The following TYW1 variants were observed in gnomAD, a reference collection of about 807,000 sequenced individuals.
TYW1 encodes the protein tRNA-yW synthesizing protein 1 homolog, also known as S-adenosyl-L-methionine-dependent tRNA 4-demethylwyosine synthase TYW1.
TYW1 carries 46 observed loss-of-function variants against 96.2 expected under a neutral mutation model. That is an observed-to-expected ratio of 0.48 (90% CI 0.38 to 0.61). The LOEUF (loss-of-function observed/expected upper bound fraction) is 0.61. Ranked by LOEUF, TYW1 falls within the 20% of genes least tolerant of loss-of-function variation. The pLI, the probability that TYW1 is intolerant of heterozygous loss-of-function variation, is 0.00. For synonymous variants in TYW1, 274 were observed against 323.0 expected (o/e 0.85, Z 1.63); for missense variants, 684 against 909.6 (o/e 0.75, Z 3.19).
At chr7:67,036,468 G>A (rs1340919098) in intron 7 of TYW1, among the ~76,000 whole-genome samples, 2 of 152,198 alleles carry the variant, frequency 1.3e-5, no homozygotes, top group Non-Finnish European at 2.9e-5. Context: ...TGGGCCACTG[G>A]TAAGCCCCAG....
intron 15 of TYW1, among the ~76,000 whole-genome samples, chr7:67,234,348 TAA>T (rs57100190): frequency 4.7e-4 from 44 of 93,278 alleles, no homozygotes; most frequent in Non-Finnish European, 4.2e-4. Flanking sequence ...ACCTATCTCT[TAA>T]AAAAAAAAAA....
In TYW1 at chr7:67,067,497, G is replaced by A. The variant is rs1584520401; in HGVS notation, c.1274+94G>A. 7.2e-6 allele frequency: 10 copies of A among 1,383,240 alleles called. No homozygotes were observed. In the East Asian group the frequency reaches 2.3e-4, roughly 32 times the overall value. The allele number at this position is 1,383,240 out of a possible 1,614,324, so 85.7% of individuals were successfully genotyped here. On this transcript the variant is annotated intron_variant, in intron 10 of 15. Transcript: ENST00000359626. Reference sequence around the variant, plus strand: ...ACACTCAGACTTACCTAAGAGCTCTGCTGTCTTGGTGATTAATCTTTTCAA... The same window carrying A: ...ACACTCAGACTTACCTAAGAGCTCTACTGTCTTGGTGATTAATCTTTTCAA...
intron 4 of TYW1, among the ~76,000 whole-genome samples, chr7:67,013,817 C>T (rs561634016): frequency 1.6e-4 from 23 of 142,520 alleles, no homozygotes; most frequent in Non-Finnish European, 2.5e-4. Context: ...GATCTTGGCT[C>T]GCTGCAAGCT....
chr7:67,037,151 GCCATGAGACA>G (rs1794864123), intron 7 of TYW1, among the ~76,000 whole-genome samples: 1 of 152,044 alleles, frequency 6.6e-6, no homozygotes, highest in Non-Finnish European at 1.5e-5. Context: ...CTAGGGGTCC[GCCATGAGACA>G]CCTAATTAGC....
intron 13 of TYW1, among the ~76,000 whole-genome samples, chr7:67,132,415 T>TAGA (rs1798109454): frequency 6.6e-6 from 1 of 152,144 alleles, no homozygotes; most frequent in Non-Finnish European, 1.5e-5. Context: ...TGGCCTATCA[T>TAGA]TCCATATTTA....
At chr7:67,002,253 G>T (rs987084965) in intron 3 of TYW1, among the ~76,000 whole-genome samples, 2 of 151,592 alleles carry the variant, frequency 1.3e-5, no homozygotes, top group African/African-American at 4.8e-5. Context: ...GTCTCCTTAT[G>T]TTGCCCAGGC....
intron 12 of TYW1, among the ~76,000 whole-genome samples, chr7:67,104,161 G>T (rs1797170565): frequency 6.6e-6 from 1 of 152,058 alleles, no homozygotes; most frequent in African/African-American, 2.4e-5. Context: ...TCCCTAAAAG[G>T]GTTTCAGTCT....
intron 15 of TYW1, among the ~76,000 whole-genome samples, chr7:67,212,614 G>GGT (rs1357895378): frequency 6.6e-6 from 1 of 152,088 alleles, no homozygotes; most frequent in African/African-American, 2.4e-5. Flanking sequence ...ATTGATGAAT[G>GGT]GCTGTTCCTG....
chr7:67,145,284 G>T (rs1239786033), intron 13 of TYW1, among the ~76,000 whole-genome samples: 1 of 151,248 alleles, frequency 6.6e-6, no homozygotes, highest in African/African-American at 2.4e-5. Flanking sequence ...GTGTAGCTGG[G>T]ACTACAGGTG....
chr7:67,054,700 T>C (rs1472865583), intron 8 of TYW1, among the ~76,000 whole-genome samples: 1 of 141,404 alleles, frequency 7.1e-6, no homozygotes, highest in African/African-American at 2.7e-5. Flanking sequence ...TCCATTTGCC[T>C]TATTTGCCTG....
At chr7:67,150,050 G>T (rs1355408091) in intron 13 of TYW1, among the ~76,000 whole-genome samples, 3 of 150,956 alleles carry the variant, frequency 2.0e-5, no homozygotes, top group Non-Finnish European at 4.4e-5. Context: ...GAAAATATCT[G>T]GTAGACTCTG....
In TYW1 at chr7:67,190,073, T is replaced by C. The variant is rs187325358; in HGVS notation, c.1810-5097T>C. Among the ~76,000 whole-genome samples the C allele has an allele frequency of 5.3e-5, 8 of 151,974 alleles. No homozygotes were observed. The East Asian group carries it at 1.5e-3, about 29-fold the overall frequency. ...TAGGACGTGCTCAGTAATTATTTGTTGTCAAATGACTTAAAACTACTTACT... is the reference window on the plus strand; with the variant it reads ...TAGGACGTGCTCAGTAATTATTTGTCGTCAAATGACTTAAAACTACTTACT... On this transcript the variant is annotated intron_variant, in intron 14 of 15. Transcript: ENST00000359626.
intron 12 of TYW1, among the ~76,000 whole-genome samples, chr7:67,101,499 C>T (rs773470945): frequency 9.2e-5 from 14 of 152,096 alleles, no homozygotes; most frequent in South Asian, 2.1e-4. Context: ...CATTCGCACA[C>T]GCAGTCAGCT....
At chr7:67,004,547 TTTCA>T (rs1406636160) in intron 3 of TYW1, among the ~76,000 whole-genome samples, 1 of 152,250 alleles carries the variant, frequency 6.6e-6, no homozygotes, top group African/African-American at 2.4e-5. Flanking sequence ...TCTTGAACTT[TTTCA>T]GATATCAGAA....
intron 9 of TYW1, among the ~76,000 whole-genome samples, chr7:67,057,794 A>G (rs1795570864): frequency 6.6e-6 from 1 of 152,152 alleles, no homozygotes; most frequent in Non-Finnish European, 1.5e-5. Context: ...TATGTTGTGG[A>G]TGTGAATCTT....
At chr7:67,166,042 C>G (rs1356813414) in intron 13 of TYW1, among the ~76,000 whole-genome samples, 1 of 152,036 alleles carries the variant, frequency 6.6e-6, no homozygotes, top group Non-Finnish European at 1.5e-5. Context: ...GAGTTTGAGA[C>G]CAGCCTGACA....
chr7:67,206,346 T>C (rs1009789842), intron 15 of TYW1, among the ~76,000 whole-genome samples: 7 of 152,098 alleles, frequency 4.6e-5, no homozygotes. Flanking sequence ...AAAGCAGAGA[T>C]GTGGCCAGGC....
At chr7:67,029,405 G>GTATATATATATA (rs1277791560) in intron 7 of TYW1, among the ~76,000 whole-genome samples, 4 of 89,190 alleles carry the variant, frequency 4.5e-5, no homozygotes, top group African/African-American at 1.2e-4. Flanking sequence ...GTGTGTGTGT[G>GTATATATATATA]TGTGTGTGTG....
intron 5 of TYW1, 141 bp from the exon 6 acceptor site, chr7:67,017,712 G>A (rs1584467615): frequency 4.5e-6 from 5 of 1,121,602 alleles, no homozygotes; most frequent in Middle Eastern, 2.2e-4. Flanking sequence ...AGGCTTGAAG[G>A]TCATTTTGCC....
Sources: gnomAD v4.1 joint callset for allele counts (sites outside exome capture counted in the v4.1 genomes callset) on GRCh38, gnomAD v4.1.1 for gene constraint, MANE v1.5 for transcripts, NCBI Gene and HGNC (gene_info 2026-07-23, HGNC 2026-07-21) for gene names.